STAG1: variants seen among roughly 807,000 people sequenced by gnomAD.
The protein encoded by STAG1 is cohesin subunit SA-1.
Under a neutral mutation model 170.9 loss-of-function variants are expected in STAG1, and 26 were observed. That is an observed-to-expected ratio of 0.15 (90% CI 0.11 to 0.21). STAG1 has a LOEUF of 0.21. Ranked by LOEUF, STAG1 falls within the 10% of genes least tolerant of loss-of-function variation. STAG1 has a pLI of 1.00. For missense variants in STAG1, 964 were observed against 1,509.5 expected, an observed-to-expected ratio of 0.64 and a Z score of 5.99; for synonymous variants, 514 against 497.7, an observed-to-expected ratio of 1.03 and a Z score of -0.44.
chr3:136,606,939 A>T (rs892397044), intron 3 of STAG1, among the ~76,000 whole-genome samples: 19 of 151,594 alleles, frequency 1.3e-4, no homozygotes, highest in African/African-American at 4.1e-4. Flanking sequence ...TTTAGTAGAG[A>T]TGTGGTTTCA....
intron 1 of STAG1, among the ~76,000 whole-genome samples, chr3:136,748,420 G>A (rs1450909868): frequency 2.0e-5 from 3 of 151,376 alleles, no homozygotes; most frequent in African/African-American, 2.4e-5. Flanking sequence ...TTCCTGAGAC[G>A]GGGTCTCACT....
In STAG1 at chr3:136,500,329, C is replaced by T. The variant is rs759518426; in HGVS notation, c.829-33G>A. ...GAAAAAATATATATAAGTTGAAATC[C>T]TGATCATTTTATTTGGAAGGAACAG... is the stretch of plus-strand genomic sequence containing the variant. On this transcript the variant is annotated intron_variant, in intron 8 of 33. Transcript: ENST00000383202. 7.8e-6 allele frequency: 11 copies of T among 1,415,280 alleles called. No individual in the cohort carries two copies. The South Asian group carries it at 1.1e-4, about 14-fold the overall frequency. 87.7% of individuals were successfully genotyped at this position (1,415,280 alleles called of 1,614,324 possible).
At chr3:136,439,604 T>A (rs1167192927) in intron 15 of STAG1, among the ~76,000 whole-genome samples, 1 of 151,808 alleles carries the variant, frequency 6.6e-6, no homozygotes, top group Non-Finnish European at 1.5e-5. Context: ...AAAATTACTT[T>A]AAAAAAAAGT....
chr3:136,552,102 G>A lies in STAG1; in HGVS notation c.395-9907C>T, dbSNP rs375941721. On this transcript the variant is annotated intron_variant, in intron 5 of 33. Transcript: ENST00000383202. ...ACTCTACCTAAAACAGTACCTGCAC[G>A]TCAGCCTACATTTGAAAGCTTTTTC... Among the ~76,000 whole-genome samples the A allele has an allele frequency of 5.3e-5, 8 of 152,190 alleles. 1 individual carries two copies. The East Asian group carries it at 5.8e-4, about 11-fold the overall frequency.
chr3:136,396,310 T>C (rs2087154402), intron 22 of STAG1, among the ~76,000 whole-genome samples: 2 of 148,158 alleles, frequency 1.3e-5, no homozygotes, highest in Non-Finnish European at 3.0e-5. Flanking sequence ...CTCCACTTCC[T>C]GGGCTCCGGC....
intron 1 of STAG1, among the ~76,000 whole-genome samples, chr3:136,715,875 A>T (rs1346885417): frequency 6.6e-6 from 1 of 151,794 alleles, no homozygotes; most frequent in Non-Finnish European, 1.5e-5. Flanking sequence ...AGGCAGGCAG[A>T]TCACCTGAGG....
At chr3:136,643,948 C>A (rs1034397873) in intron 1 of STAG1, among the ~76,000 whole-genome samples, 4 of 152,134 alleles carry the variant, frequency 2.6e-5, no homozygotes, top group Non-Finnish European at 5.9e-5. Flanking sequence ...TTCAAAGAAT[C>A]ATCAATTTTG....
At chr3:136,514,876 C>G (rs985775749) in intron 7 of STAG1, among the ~76,000 whole-genome samples, 8 of 151,876 alleles carry the variant, frequency 5.3e-5, no homozygotes, top group Non-Finnish European at 1.0e-4. Context: ...AACACTTGGA[C>G]ACAGGGTGGG....
intron 12 of STAG1, among the ~76,000 whole-genome samples, chr3:136,465,865 T>C (rs577722931): frequency 6.7e-4 from 102 of 152,176 alleles, no homozygotes; most frequent in African/African-American, 2.2e-3. Context: ...TTAAACCCTA[T>C]AAGACCTAAT....
At chr3:136,750,288 A>C (rs1430163167) in intron 1 of STAG1, among the ~76,000 whole-genome samples, 3 of 152,132 alleles carry the variant, frequency 2.0e-5, no homozygotes, top group Non-Finnish European at 2.9e-5. Context: ...AGCTGGAACT[A>C]CAGGAGTGCA....
Position 136,684,889 on chromosome 3 carries a change from T to C in STAG1, c.-83-53908A>G, listed in dbSNP as rs1942460744. ...CAAAAAATAACATTAAAGACCCAAA[T>C]GTAAAAGGTAAAACTATAAAACTCT... is the stretch of plus-strand genomic sequence containing the variant. On this transcript the variant is annotated intron_variant, in intron 1 of 33. Transcript: ENST00000383202. Among the ~76,000 whole-genome samples, 4 of 150,186 alleles carry C rather than the reference T, an allele frequency of 2.7e-5. No individual in the cohort carries two copies. The East Asian group carries it at 7.8e-4, about 29-fold the overall frequency.
chr3:136,446,217 T>A lies in STAG1; in HGVS notation c.1429-2813A>T, dbSNP rs192741087. Among the ~76,000 whole-genome samples the A allele has an allele frequency of 1.6e-4, 25 of 152,252 alleles. 1 individual carries two copies. The East Asian group carries it at 4.2e-3, about 26-fold the overall frequency. On this transcript the variant is annotated intron_variant, in intron 14 of 33. Coordinates refer to ENST00000383202, the MANE Select transcript of STAG1 (RefSeq NM_005862.3). ...TTTGCCTTAAACATCAATGTCATAGTTTTTAGGTTTAGCGCTCAGGTTTTT... is the reference window on the plus strand; with the variant it reads ...TTTGCCTTAAACATCAATGTCATAGATTTTAGGTTTAGCGCTCAGGTTTTT...
chr3:136,416,666 T>C (rs1016821901), intron 21 of STAG1, among the ~76,000 whole-genome samples: 5 of 152,286 alleles, frequency 3.3e-5, no homozygotes, highest in East Asian at 3.9e-4. Context: ...GGATGGGAAG[T>C]TGATGTCAGC....
intron 13 of STAG1, among the ~76,000 whole-genome samples, chr3:136,454,788 C>A (rs187405555): frequency 1.8e-4 from 28 of 152,290 alleles, no homozygotes; most frequent in Non-Finnish European, 2.4e-4. Flanking sequence ...GTAAAACATT[C>A]ATTTCAGACA....
At chr3:136,738,714 A>C (rs1034563955) in intron 1 of STAG1, among the ~76,000 whole-genome samples, 3 of 152,188 alleles carry the variant, frequency 2.0e-5, no homozygotes, top group Admixed American at 2.0e-4. Flanking sequence ...AGTTCAAGAG[A>C]TCTATTGCAC....
intron 22 of STAG1, among the ~76,000 whole-genome samples, chr3:136,388,958 T>C (rs967389537): frequency 1.3e-5 from 2 of 152,124 alleles, no homozygotes; most frequent in Non-Finnish European, 2.9e-5. Flanking sequence ...TCTTTTTTTA[T>C]ATATAATAAG....
chr3:136,421,239 A>C (rs1281664584), intron 19 of STAG1, 76 bp from the exon 20 acceptor site: 1 of 839,548 alleles, frequency 1.2e-6, no homozygotes, highest in Non-Finnish European at 1.8e-6. Context: ...GCCTAAATAA[A>C]AATTCTTCTA....
chr3:136,704,154 G>C (rs1188691349), intron 1 of STAG1, among the ~76,000 whole-genome samples: 4 of 150,212 alleles, frequency 2.7e-5, no homozygotes, highest in African/African-American at 7.4e-5. Flanking sequence ...AGGTTCAAGT[G>C]ATTCTCCTGC....
intron 9 of STAG1, among the ~76,000 whole-genome samples, chr3:136,491,794 A>T (rs568003887): frequency 6.6e-6 from 1 of 152,250 alleles, no homozygotes; most frequent in South Asian, 2.1e-4. Context: ...GGAGTTCAAG[A>T]CCAGCCAGGC....
Sources: gnomAD v4.1 joint callset for allele counts (sites outside exome capture counted in the v4.1 genomes callset) on GRCh38, gnomAD v4.1.1 for gene constraint, MANE v1.5 for transcripts, NCBI Gene and HGNC (gene_info 2026-07-23, HGNC 2026-07-21) for gene names.